Variants in SAMD5 observed in about 807,000 individuals in gnomAD.
The protein encoded by SAMD5 is sterile alpha motif domain-containing protein 5.
SAMD5 carries 13 observed loss-of-function variants against 11.3 expected under a neutral mutation model. The observed-to-expected ratio is 1.15, with a 90% CI of 0.75 to 1.83. The LOEUF is 1.83. Ranked by LOEUF, SAMD5 falls within the 40% of genes most tolerant of loss-of-function variation. The pLI is 0.00. For synonymous variants in SAMD5, 129 were observed against 111.3 expected (o/e 1.16, Z -1.00); for missense variants, 255 against 239.1 (o/e 1.07, Z -0.44).
intron 1 of SAMD5, among the ~76,000 whole-genome samples, chr6:147,605,622 C>A (rs191299205): frequency 6.6e-6 from 1 of 152,124 alleles, no homozygotes; most frequent in East Asian, 1.9e-4. Flanking sequence ...AAATATTAAC[C>A]CATTTTTAAA....
chr6:147,938,536 A>G, the SAMD5 span, among the ~76,000 whole-genome samples: 1 of 152,222 alleles, frequency 6.6e-6, no homozygotes, highest in Non-Finnish European at 1.5e-5. Context: ...TCTTTCTGGC[A>G]GCCAGCACCC....
chr6:147,927,425 A>T, the SAMD5 span, among the ~76,000 whole-genome samples: 13 of 152,186 alleles, frequency 8.5e-5, no homozygotes, highest in African/African-American at 3.1e-4. Context: ...TTCTGAGGCA[A>T]TTGTAAATGA....
the SAMD5 span, among the ~76,000 whole-genome samples, chr6:147,909,613 T>TTTC: frequency 6.2e-4 from 43 of 69,078 alleles, 5 homozygotes; most frequent in African/African-American, 3.7e-3. Context: ...TCTTTCTTTC[T>TTTC]TTCTTTCTTT....
intron 1 of SAMD5, among the ~76,000 whole-genome samples, chr6:147,710,509 A>G (rs1791383237): frequency 6.6e-6 from 1 of 151,826 alleles, no homozygotes; most frequent in South Asian, 2.1e-4. Flanking sequence ...CACTGTAGAC[A>G]CTCCCTGCTT....
At chr6:147,900,800 G>A in the SAMD5 span, among the ~76,000 whole-genome samples, 19,546 of 152,148 alleles carry the variant, frequency 0.13, 1,543 homozygotes, top group East Asian at 0.31. Flanking sequence ...CACCTGTCAT[G>A]TTTTTATTAT....
chr6:147,564,282 T>C lies in SAMD5; in HGVS notation c.460-112T>C, dbSNP rs1789000040. On this transcript the variant is annotated intron_variant, in intron 1 of 1. Coordinates refer to ENST00000367474, the MANE Select transcript of SAMD5 (RefSeq NM_001030060.3). The stretch of plus-strand genomic sequence containing the variant: ...GGCTGTTCTTCAAAAGTCCATGTGG[T>C]AAGCAGAAAGGGACAAGAATGACTT... 8.8e-6 allele frequency: 6 copies of C among 680,156 alleles called. No homozygotes were observed. The East Asian group carries it at 1.3e-4, about 15-fold the overall frequency. 42.1% of individuals were successfully genotyped at this position (680,156 alleles called of 1,614,324 possible). A position where few individuals can be genotyped will look rare whatever the true frequency, so the allele number is the denominator to read the frequency against.
At chr6:147,724,665 G>A (rs916089409) in intron 1 of SAMD5, among the ~76,000 whole-genome samples, 1 of 152,174 alleles carries the variant, frequency 6.6e-6, no homozygotes, top group Non-Finnish European at 1.5e-5. Flanking sequence ...TGCTCACGGG[G>A]CTTTGCATAT....
chr6:147,689,224 G>C (rs1268169396), intron 1 of SAMD5, among the ~76,000 whole-genome samples: 2 of 152,184 alleles, frequency 1.3e-5, no homozygotes, highest in African/African-American at 4.8e-5. Context: ...AGGCAAGAGA[G>C]TGCAGCCAAG....
intron 1 of SAMD5, among the ~76,000 whole-genome samples, chr6:147,596,990 G>A (rs7754896): frequency 0.048 from 7,366 of 152,174 alleles, 543 homozygotes; most frequent in African/African-American, 0.16. Flanking sequence ...CTTTTCTCTT[G>A]TGCCTTAAGT....
intron 1 of SAMD5, among the ~76,000 whole-genome samples, chr6:147,657,628 T>G (rs1790589859): frequency 1.3e-5 from 2 of 152,218 alleles, no homozygotes; most frequent in Non-Finnish European, 2.9e-5. Context: ...AATTTATTTC[T>G]CACAGTTCTG....
the SAMD5 span, among the ~76,000 whole-genome samples, chr6:147,815,205 C>T: frequency 6.6e-6 from 1 of 152,216 alleles, no homozygotes; most frequent in Non-Finnish European, 1.5e-5. Context: ...CACAGAGGGT[C>T]TCCCCTTACC....
the SAMD5 span, among the ~76,000 whole-genome samples, chr6:147,935,149 C>A: frequency 3.7e-4 from 56 of 152,300 alleles, no homozygotes; most frequent in Admixed American, 8.5e-4. Flanking sequence ...TAGATAGACT[C>A]AAACTCTGTG....
chr6:147,538,211 A>AT (rs531830097), intron 1 of SAMD5, among the ~76,000 whole-genome samples: 25 of 152,182 alleles, frequency 1.6e-4, no homozygotes, highest in Non-Finnish European at 3.4e-4. Flanking sequence ...AAGCTAAATA[A>AT]TTTTTTTTAA....
chr6:147,565,546 C>A lies in SAMD5; in HGVS notation c.*1090C>A. ...CAATCTTGGCTCACAGTGACTTTCG[C>A]CTCCCAGGTTCAAGGAATTCTCCTG... On this transcript the variant is annotated 3_prime_UTR_variant, in exon 2 of 2. Coordinates refer to ENST00000367474, the MANE Select transcript of SAMD5 (RefSeq NM_001030060.3). 1 of 648,922 alleles carries A rather than the reference C, an allele frequency of 1.5e-6. No individual in the cohort carries two copies. The highest frequency in any genetic ancestry group is 1.9e-6 in the Non-Finnish European group (1 of 523,180). 40.2% of individuals were successfully genotyped at this position (648,922 alleles called of 1,614,324 possible). A position where few individuals can be genotyped will look rare whatever the true frequency, so the allele number is the denominator to read the frequency against.
At chr6:147,536,208 C>G (rs1290853883) in intron 1 of SAMD5, among the ~76,000 whole-genome samples, 1 of 152,150 alleles carries the variant, frequency 6.6e-6, no homozygotes, top group Non-Finnish European at 1.5e-5. Flanking sequence ...TGGTCTCAAT[C>G]TCCTGACCTC....
At chr6:147,744,061 T>C in the SAMD5 span, among the ~76,000 whole-genome samples, 1 of 152,234 alleles carries the variant, frequency 6.6e-6, no homozygotes. Context: ...ATGTATGGAA[T>C]AGTCAAACTC....
intron 1 of SAMD5, among the ~76,000 whole-genome samples, chr6:147,610,990 C>T (rs1789776754): frequency 6.6e-6 from 1 of 151,886 alleles, no homozygotes; most frequent in South Asian, 2.1e-4. Flanking sequence ...CTGCCTCAAC[C>T]TCCTGAGTAG....
At chr6:147,852,061 C>T in the SAMD5 span, among the ~76,000 whole-genome samples, 1 of 152,116 alleles carries the variant, frequency 6.6e-6, no homozygotes, top group Admixed American at 6.6e-5. Context: ...TATCATAAAA[C>T]TCCTAAAATA....
chr6:147,677,524 C>T (rs1790879866), intron 1 of SAMD5, among the ~76,000 whole-genome samples: 4 of 152,056 alleles, frequency 2.6e-5, no homozygotes, highest in Admixed American at 2.0e-4. Flanking sequence ...AAAATGTGAT[C>T]TGTATCTAAC....
Sources: gnomAD v4.1 joint callset for allele counts (sites outside exome capture counted in the v4.1 genomes callset) on GRCh38, gnomAD v4.1.1 for gene constraint, MANE v1.5 for transcripts, NCBI Gene and HGNC (gene_info 2026-07-23, HGNC 2026-07-21) for gene names.